The following TRAK1 variants were observed in gnomAD, a reference collection of about 807,000 sequenced individuals.
TRAK1 encodes the protein trafficking kinesin protein 1, also known as trafficking kinesin-binding protein 1.
Under a neutral mutation model 92.1 loss-of-function variants are expected in TRAK1, and 33 were observed. The ratio of observed to expected loss-of-function variants is 0.36; its 90% CI spans 0.27 to 0.48. The LOEUF (loss-of-function observed/expected upper bound fraction) is 0.48, where lower values mean the gene tolerates loss of function less well. Among genes scored for constraint, TRAK1 ranks in the 20% least tolerant of loss-of-function variants. TRAK1 has a pLI of 0.99. For missense variants in TRAK1, 1,123 were observed against 1,257.9 expected (o/e 0.89, Z 1.62); for synonymous variants, 521 against 517.3 (o/e 1.01, Z -0.10).
At chr3:42,050,882 A>G (rs375839048) in intron 1 of TRAK1, among the ~76,000 whole-genome samples, 3 of 151,962 alleles carry the variant, frequency 2.0e-5, no homozygotes, top group East Asian at 3.9e-4. Context: ...GGTCATTATT[A>G]TATCTTTTAA....
intron 1 of TRAK1, among the ~76,000 whole-genome samples, chr3:42,067,414 T>C (rs895096873): frequency 2.6e-5 from 4 of 152,206 alleles, no homozygotes; most frequent in Non-Finnish European, 5.9e-5. Context: ...TACAGTGAAG[T>C]CAAAATATAG....
intron 8 of TRAK1, 147 bp downstream of exon 8, chr3:42,193,352 A>G (rs1411513272): frequency 9.1e-7 from 1 of 1,104,918 alleles, no homozygotes; most frequent in Non-Finnish European, 1.2e-6. Context: ...TGGACTCAGT[A>G]GTATAAAACT....
chr3:42,217,242 G>A (rs1709823096), intron 14 of TRAK1: 1 of 985,196 alleles, frequency 1.0e-6, no homozygotes, highest in African/African-American at 1.7e-5. Flanking sequence ...TGTGTCTCAA[G>A]GAAGGGAGGT....
rs778727709 is a variant in TRAK1 at position 42,200,920 on chromosome 3, C to T, written c.1293C>T (p.Ser431=). ...TGAACATCCCCGGCTCCAACCAGTC[C>T]TCGGCCATGAACTCCCTCCTGTCCA... ...SPMNIPGSNQ[S]SAMNSLLSSC... Residue 431 remains serine, a synonymous_variant, in exon 12 of 16, where the codon TCC becomes TCT. Coordinates refer to ENST00000327628, the MANE Select transcript of TRAK1 (RefSeq NM_001042646.3). The T allele has an allele frequency of 1.2e-6, 2 of 1,614,192 alleles. No individual in the cohort carries two copies. The highest frequency in any genetic ancestry group is 1.7e-6 in the Non-Finnish European group (2 of 1,180,042).
At chr3:42,085,597 G>A (rs1436189194), upstream of TRAK1, among the ~76,000 whole-genome samples, 1 of 152,220 alleles carries the variant, frequency 6.6e-6, no homozygotes, top group Non-Finnish European at 1.5e-5. Context: ...ATTCAGGGCT[G>A]TAGTTTTCTT....
intron 2 of TRAK1, among the ~76,000 whole-genome samples, chr3:42,147,700 G>T (rs1027934753): frequency 1.1e-4 from 17 of 152,172 alleles, no homozygotes; most frequent in Non-Finnish European, 2.2e-4. Flanking sequence ...TAAAGGCTGG[G>T]CCAAATGGGG....
intron 1 of TRAK1, among the ~76,000 whole-genome samples, chr3:42,027,398 CTATAG>C (rs1303346633): frequency 6.6e-6 from 1 of 151,978 alleles, no homozygotes; most frequent in Non-Finnish European, 1.5e-5. Context: ...TGGCGGGCAC[CTATAG>C]TCCCAGCTAC....
intron 2 of TRAK1, chr3:42,149,117 G>C: frequency 1.1e-6 from 1 of 903,284 alleles, no homozygotes; most frequent in Non-Finnish European, 1.3e-6. Flanking sequence ...TATGGCAACG[G>C]TTAGATTGAA....
intron 2 of TRAK1, chr3:42,149,363 C>T: frequency 1.4e-6 from 2 of 1,434,538 alleles, no homozygotes; most frequent in South Asian, 3.0e-5. Context: ...CTTTTCATTG[C>T]CCACTTTACT....
intron 1 of TRAK1, among the ~76,000 whole-genome samples, chr3:42,032,298 G>A (rs572079346): frequency 6.6e-6 from 1 of 152,358 alleles, no homozygotes; most frequent in African/African-American, 2.4e-5. Context: ...AGTGAGGCAT[G>A]CCTGGTTAAT....
intron 3 of TRAK1, among the ~76,000 whole-genome samples, chr3:42,180,797 G>A (rs1703901658): frequency 6.6e-6 from 1 of 151,972 alleles, no homozygotes; most frequent in Non-Finnish European, 1.5e-5. Flanking sequence ...ATACTTGTAG[G>A]TATTTTTCAA....
intron 2 of TRAK1, among the ~76,000 whole-genome samples, chr3:42,134,330 G>T (rs1383250789): frequency 6.6e-6 from 1 of 151,548 alleles, no homozygotes; most frequent in Non-Finnish European, 1.5e-5. Flanking sequence ...AGGCTGGAGT[G>T]CAGTGGTGGC....
At chr3:42,020,980 A>T (rs899177127) in intron 1 of TRAK1, among the ~76,000 whole-genome samples, 1 of 152,210 alleles carries the variant, frequency 6.6e-6, no homozygotes. Context: ...TGGGAAGAAA[A>T]TTGGAGGTTT....
chr3:42,063,267 C>T (rs758996749), intron 1 of TRAK1, among the ~76,000 whole-genome samples: 7 of 152,256 alleles, frequency 4.6e-5, no homozygotes, highest in African/African-American at 9.6e-5. Flanking sequence ...TTCCGCTTCG[C>T]GGGAAAAGTT....
At position 42,202,886 on chromosome 3, in the gene TRAK1, G is replaced by C. The variant is rs183752746; in HGVS notation, c.1744+134G>C. Reference sequence around the variant, plus strand: ...TCCGCGACAGCCACCCGCGCTGCTGGTTTGAGTTCCTCTGAGGGTGGTGCT... The same window carrying C: ...TCCGCGACAGCCACCCGCGCTGCTGCTTTGAGTTCCTCTGAGGGTGGTGCT... On this transcript the variant is annotated intron_variant, in intron 13 of 15. Transcript: ENST00000327628. The surrounding 1 kb of genome is among the most constrained non-coding windows in gnomAD (Gnocchi z 6.1). 73 of 1,457,150 alleles carry C rather than the reference G, an allele frequency of 5.0e-5. No homozygotes were observed. The East Asian group carries it at 1.8e-3, about 36-fold the overall frequency. 90.3% of individuals were successfully genotyped at this position (1,457,150 alleles called of 1,614,324 possible).
chr3:42,039,796 C>T (rs1702467115), intron 1 of TRAK1, among the ~76,000 whole-genome samples: 2 of 152,186 alleles, frequency 1.3e-5, no homozygotes, highest in South Asian at 4.1e-4. Flanking sequence ...GAGGGACTGC[C>T]AGACTGTTTT....
intron 2 of TRAK1, among the ~76,000 whole-genome samples, chr3:42,138,876 G>GGTGTGTGTGT (rs60025099): frequency 1.0e-4 from 12 of 118,770 alleles, no homozygotes; most frequent in South Asian, 2.7e-4. Flanking sequence ...AAGCATAGGG[G>GGTGTGTGTGT]GTGTGTGTGT....
chr3:42,218,308 A>G, intron 14 of TRAK1: 2 of 985,396 alleles, frequency 2.0e-6, no homozygotes, highest in Non-Finnish European at 2.4e-6. Flanking sequence ...AAGAGAAAAT[A>G]TACCATAAGG....
chr3:42,053,475 G>T (rs1363960579), intron 1 of TRAK1, among the ~76,000 whole-genome samples: 2 of 151,858 alleles, frequency 1.3e-5, no homozygotes, highest in African/African-American at 2.4e-5. Flanking sequence ...CCTTCTTGGG[G>T]GAGCTGGGGA....
Sources: allele counts gnomAD v4.1 joint callset (sites outside exome capture counted in the v4.1 genomes callset), GRCh38; gene constraint gnomAD v4.1.1; non-coding constraint Gnocchi (gnomAD v3.1); transcripts MANE v1.5; gene names NCBI Gene and HGNC (gene_info 2026-07-23, HGNC 2026-07-21).